The following FBRSL1 variants were observed in gnomAD, a reference collection of about 807,000 sequenced individuals.
FBRSL1 encodes the protein fibrosin like 1.
Under a neutral mutation model 89.6 loss-of-function variants are expected in FBRSL1, and 51 were observed. That is an observed-to-expected ratio of 0.57 (90% CI 0.45 to 0.72). The LOEUF is 0.72. FBRSL1 is among the 30% of genes least tolerant of loss of function. FBRSL1 has a pLI of 0.00. For missense variants in FBRSL1, 1,618 were observed against 1,451.8 expected (o/e 1.11, Z -1.86); for synonymous variants, 779 against 681.1 (o/e 1.14, Z -2.24).
At chr12:132,571,606 GCA>G (rs2040016846) in intron 9 of FBRSL1, 1 of 983,324 alleles carries the variant, frequency 1.0e-6, no homozygotes, top group Non-Finnish European at 1.4e-6. Flanking sequence ...ACACACGCTC[GCA>G]CACACACCAG....
chr12:132,561,627 G>C (rs1484858638), intron 5 of FBRSL1, among the ~76,000 whole-genome samples: 2 of 152,120 alleles, frequency 1.3e-5, no homozygotes, highest in African/African-American at 4.8e-5. Context: ...AGTCCTGGCG[G>C]CGTGGTGGGG....
chr12:132,577,204 G>C (rs2040436969), intron 15 of FBRSL1, among the ~76,000 whole-genome samples: 1 of 151,412 alleles, frequency 6.6e-6, no homozygotes, highest in African/African-American at 2.4e-5. Flanking sequence ...TCCCCACCAA[G>C]TCCTGCCCAG....
chr12:132,511,912 T>A (rs528683533), intron 2 of FBRSL1: 5 of 985,190 alleles, frequency 5.1e-6, no homozygotes, highest in South Asian at 4.7e-5. Context: ...TTTTTCTGAT[T>A]AAAGAAAATA....
chr12:132,500,095 A>G (rs974823989), intron 1 of FBRSL1, among the ~76,000 whole-genome samples: 1 of 152,176 alleles, frequency 6.6e-6, no homozygotes, highest in Non-Finnish European at 1.5e-5. Context: ...TGTCTGGCTC[A>G]GGAGGCGCCG....
intron 4 of FBRSL1, among the ~76,000 whole-genome samples, chr12:132,535,768 T>C (rs566931686): frequency 1.3e-5 from 2 of 152,140 alleles, no homozygotes; most frequent in African/African-American, 4.8e-5. Flanking sequence ...TACATGACAG[T>C]GTGAGTGCAC....
chr12:132,583,697 T>G lies in FBRSL1; in HGVS notation c.2928T>G (p.Thr976=). The G allele has an allele frequency of 9.3e-6, 11 of 1,185,124 alleles. No individual in the cohort carries two copies. Among genetic ancestry groups the G allele is most frequent in the South Asian group, 8.4e-5 (2 of 23,930 alleles). The allele number at this position is 1,185,124 out of a possible 1,614,324, so 73.4% of individuals were successfully genotyped here. Residue 976 remains threonine (T), a synonymous_variant, in exon 19 of 19, where the codon ACT becomes ACG. Coordinates refer to ENST00000680143, the MANE Select transcript of FBRSL1 (RefSeq NM_001367871.1). The part of the protein sequence containing the change: ...PTPPGPPRSR[T]TPLGGLGPGE... The stretch of plus-strand genomic sequence containing the variant: ...CCCCCGGGCCGCCGCGGAGCCGGAC[T>G]ACTCCGCTGGGGGGCCTCGGGCCGG...
chr12:132,509,298 C>T (rs1436905319), intron 2 of FBRSL1: 3 of 1,251,820 alleles, frequency 2.4e-6, no homozygotes, highest in Non-Finnish European at 3.0e-6. Context: ...GTCGGCACTC[C>T]CGGACCCTGG....
At chr12:132,560,195 C>T (rs1049714525) in intron 5 of FBRSL1, 25 of 151,974 alleles carry the variant, frequency 1.6e-4, no homozygotes, top group African/African-American at 5.8e-4. Flanking sequence ...GGCTCCGGCC[C>T]CGGGACTAGG....
At chr12:132,490,896 G>T in intron 1 of FBRSL1, 35 bp downstream of exon 1, 3 of 1,066,452 alleles carry the variant, frequency 2.8e-6, no homozygotes. Flanking sequence ...AGGCGTTGAG[G>T]CGAGAACGGG....
intron 1 of FBRSL1, among the ~76,000 whole-genome samples, chr12:132,493,278 C>A (rs1276322103): frequency 6.6e-6 from 1 of 152,254 alleles, no homozygotes; most frequent in African/African-American, 2.4e-5. Flanking sequence ...TCTGCCCCCA[C>A]CCGCGTCTTG....
intron 2 of FBRSL1, among the ~76,000 whole-genome samples, chr12:132,524,855 T>C (rs1281540422): frequency 6.6e-6 from 1 of 152,152 alleles, no homozygotes; most frequent in Non-Finnish European, 1.5e-5. Context: ...GTAAAAAAAG[T>C]AAATACATGC....
In FBRSL1 at chr12:132,572,539, T is replaced by C. The variant is rs2040105180; in HGVS notation, c.1447T>C (p.Phe483Leu). 3 of 1,551,166 alleles carry C rather than the reference T, an allele frequency of 1.9e-6. No individual in the cohort carries two copies. The highest frequency in any genetic ancestry group is 2.4e-5 in the South Asian group (2 of 84,056). The change falls in exon 11 of 19, where the codon TTC becomes CTC. Residue 483 changes from phenylalanine to leucine, a missense_variant. Physicochemically the swap from Phe to Leu is conservative, Grantham distance 22 (BLOSUM62 0). Transcript: ENST00000680143. ...RHSSVSFFPS[F>L]PPAIPGLPTL... ...CCTTCTCTTACAGTTCTTCCCGTCC[T>C]TCCCTCCTGCCATCCCGGGACTGCC...
chr12:132,565,490 C>T (rs1056225643), intron 5 of FBRSL1: 3 of 152,226 alleles, frequency 2.0e-5, no homozygotes, highest in African/African-American at 4.8e-5. Flanking sequence ...CCCACGTACA[C>T]GTACCCAACT....
chr12:132,513,486 C>T (rs116382645), intron 2 of FBRSL1, among the ~76,000 whole-genome samples: 1,834 of 152,220 alleles, frequency 0.012, 35 homozygotes, highest in African/African-American at 0.041. Context: ...CCTGTTGCTG[C>T]CTCAGGAACC....
At chr12:132,556,595 C>T (rs28451116) in intron 5 of FBRSL1, among the ~76,000 whole-genome samples, 1 of 49,572 alleles carries the variant, frequency 2.0e-5, no homozygotes, top group Non-Finnish European at 4.8e-5. Flanking sequence ...CCAGGCCTTC[C>T]TGCTGCCCCC....
intron 4 of FBRSL1, among the ~76,000 whole-genome samples, chr12:132,538,937 C>T (rs569955916): frequency 1.3e-5 from 2 of 152,208 alleles, no homozygotes; most frequent in Non-Finnish European, 2.9e-5. Context: ...GGGCCCTGAC[C>T]GGAGGGTGAG....
chr12:132,583,203 G>A lies in FBRSL1; in HGVS notation c.2434G>A (p.Val812Met), dbSNP rs971671822. 15 of 1,445,760 alleles carry A rather than the reference G, an allele frequency of 1.0e-5. No homozygotes were observed. The African/African-American group carries it at 1.8e-4, about 17-fold the overall frequency. The allele number at this position is 1,445,760 out of a possible 1,614,324, so 89.6% of individuals were successfully genotyped here. ...PPHSKAAPGD[V>M]KVKEERGEDE... ...CCACAGCAAGGCGGCCCCTGGAGAC[G>A]TGAAGGTCAAGGAGGAGCGCGGGGA... The change falls in exon 19 of 19, where the codon GTG (valine) becomes ATG (methionine). Residue 812 changes from valine to methionine, a missense_variant. Physicochemically the swap from Val to Met is conservative, Grantham distance 21. Coordinates refer to ENST00000680143, the MANE Select transcript of FBRSL1 (RefSeq NM_001367871.1).
chr12:132,492,262 C>T (rs2031155853), intron 1 of FBRSL1, among the ~76,000 whole-genome samples: 1 of 152,242 alleles, frequency 6.6e-6, no homozygotes, highest in Non-Finnish European at 1.5e-5. Context: ...CTGCCGTTCT[C>T]TGTCTGCTTT....
In FBRSL1 at chr12:132,572,540, T is replaced by A; in HGVS notation, c.1448T>A (p.Phe483Tyr). Residue 483 changes from phenylalanine (F) to tyrosine (Y), a missense_variant, in exon 11 of 19, where the codon TTC becomes TAC. By Grantham distance (22) the Phe-to-Tyr change is conservative. Coordinates refer to ENST00000680143, the MANE Select transcript of FBRSL1 (RefSeq NM_001367871.1). ...CTTCTCTTACAGTTCTTCCCGTCCT[T>A]CCCTCCTGCCATCCCGGGACTGCCC... ...RHSSVSFFPSFPPAIPGLPTL... is the reference protein window; with the variant it reads ...RHSSVSFFPSYPPAIPGLPTL... The A allele has an allele frequency of 6.4e-7, 1 of 1,551,128 alleles. No individual in the cohort carries two copies. Among genetic ancestry groups the A allele is most frequent in the Non-Finnish European group, 8.7e-7 (1 of 1,146,674 alleles).
Sources: gnomAD v4.1 joint callset for allele counts (sites outside exome capture counted in the v4.1 genomes callset) on GRCh38, gnomAD v4.1.1 for gene constraint, MANE v1.5 for transcripts, NCBI Gene and HGNC (gene_info 2026-07-23, HGNC 2026-07-21) for gene names.